Variants in PPP1R1C observed in about 807,000 individuals in gnomAD.
PPP1R1C encodes the protein protein phosphatase 1 regulatory inhibitor subunit 1C, also known as protein phosphatase 1 regulatory subunit 1C.
In PPP1R1C, 15 loss-of-function variants were observed where a neutral mutation model predicts 17.4. The observed-to-expected ratio is 0.86, with a 90% CI of 0.58 to 1.33. PPP1R1C has a LOEUF of 1.33. Among genes scored for constraint, PPP1R1C ranks in the 40% most tolerant of loss-of-function variants. PPP1R1C has a pLI of 0.00. For missense variants in PPP1R1C, 143 were observed against 130.0 expected (o/e 1.10, Z -0.48); for synonymous variants, 35 against 43.1 (o/e 0.81, Z 0.73).
In PPP1R1C at chr2:181,967,190, C is replaced by A. The variant is rs776919044; in HGVS notation, n.112-8029C>A. 6.6e-6 allele frequency among the ~76,000 whole-genome samples: 1 copy of A among 151,988 alleles called. No individual in the cohort carries two copies. Among genetic ancestry groups the A allele is most frequent in the African/African-American group, 2.4e-5 (1 of 41,406 alleles). ...GATTTTATTTATTTGAGTCTTCTCTCGTTTTTTGTTAGTAAGTCTGGCTAA... is the reference window on the plus strand; with the variant it reads ...GATTTTATTTATTTGAGTCTTCTCTAGTTTTTTGTTAGTAAGTCTGGCTAA... On this transcript the variant is annotated intron_variant and non_coding_transcript_variant, in intron 1 of 5. Transcript: ENST00000464264. The surrounding 1 kb of genome is among the most constrained non-coding windows in gnomAD (Gnocchi z 5.5).
chr2:182,060,352 G>T (rs928519483), intron 2 of PPP1R1C, among the ~76,000 whole-genome samples: 4 of 150,844 alleles, frequency 2.7e-5, no homozygotes, highest in African/African-American at 9.7e-5. Context: ...CTACATATAT[G>T]TATATATTTG....
chr2:182,092,349 G>C (rs1343214746), intron 4 of PPP1R1C, among the ~76,000 whole-genome samples: 1 of 152,120 alleles, frequency 6.6e-6, no homozygotes. Flanking sequence ...CTCCCACCGG[G>C]TCTCTCCCAC....
In PPP1R1C at chr2:181,962,903, GA is replaced by G. The variant is rs1302167763; in HGVS notation, n.111+8270del. ...TCTGCAGGACACATTTGAGAGGGGG[GA>G]TCTCTGAAGTAGGAGTTCAGACACA... On this transcript the variant is annotated intron_variant and non_coding_transcript_variant, in intron 1 of 5. Transcript: ENST00000464264. This position sits in a 1 kb window ranked among gnomAD's most constrained non-coding sequence, Gnocchi z 6.0. Among the ~76,000 whole-genome samples, 2 of 152,128 alleles carry G rather than the reference GA, an allele frequency of 1.3e-5. No homozygotes were observed. Among genetic ancestry groups the G allele is most frequent in the Non-Finnish European group, 2.9e-5 (2 of 68,022 alleles).
intron 2 of PPP1R1C, among the ~76,000 whole-genome samples, chr2:182,044,607 C>G (rs1687286518): frequency 6.6e-6 from 1 of 152,166 alleles, no homozygotes. Context: ...CTGATATATG[C>G]TTCTCGCACA....
intron 2 of PPP1R1C, among the ~76,000 whole-genome samples, chr2:182,058,035 C>A (rs1687741060): frequency 6.6e-6 from 1 of 152,040 alleles, no homozygotes; most frequent in African/African-American, 2.4e-5. Context: ...TCTTAATATT[C>A]TAAGTCATTA....
chr2:181,965,605 T>G (rs773678355), intron 1 of PPP1R1C, among the ~76,000 whole-genome samples: 1 of 152,212 alleles, frequency 6.6e-6, no homozygotes, highest in Non-Finnish European at 1.5e-5. Flanking sequence ...ATGAGTTCAC[T>G]GTAGCTGTGT....
At chr2:182,072,445 T>C (rs910410387) in intron 4 of PPP1R1C, among the ~76,000 whole-genome samples, 1 of 152,242 alleles carries the variant, frequency 6.6e-6, no homozygotes, top group African/African-American at 2.4e-5. Flanking sequence ...TGTGCTTTTG[T>C]ATAATTATTT....
chr2:182,030,221 T>A (rs1349742618), intron 2 of PPP1R1C, among the ~76,000 whole-genome samples: 1 of 152,194 alleles, frequency 6.6e-6, no homozygotes, highest in Non-Finnish European at 1.5e-5. Context: ...CTCGTCAAAG[T>A]CATTCTCCAT....
intron 2 of PPP1R1C, among the ~76,000 whole-genome samples, chr2:182,047,914 A>G (rs1687392718): frequency 6.6e-6 from 1 of 152,172 alleles, no homozygotes. Flanking sequence ...CTTTTTGAAT[A>G]AATCAACATA....
At chr2:182,109,137 T>C (rs1324925798) in intron 4 of PPP1R1C, among the ~76,000 whole-genome samples, 1 of 152,238 alleles carries the variant, frequency 6.6e-6, no homozygotes, top group African/African-American at 2.4e-5. Flanking sequence ...TTACTTGCCA[T>C]CTATGTATCT....
upstream of PPP1R1C, among the ~76,000 whole-genome samples, chr2:181,985,562 C>A (rs1685274433): frequency 6.6e-6 from 1 of 152,196 alleles, no homozygotes. The surrounding 1 kb of genome is among the most constrained non-coding windows in gnomAD (Gnocchi z 4.1). Flanking sequence ...TGTGAAATAG[C>A]AAAGGTATCT....
intron 1 of PPP1R1C, among the ~76,000 whole-genome samples, chr2:181,958,190 A>G (rs930790224): frequency 2.6e-5 from 4 of 152,216 alleles, no homozygotes; most frequent in African/African-American, 9.6e-5. Flanking sequence ...GAAGTAGCTA[A>G]GCAAGGACTA....
intron 1 of PPP1R1C, among the ~76,000 whole-genome samples, chr2:181,970,130 A>G (rs1684978121): frequency 1.3e-5 from 2 of 148,376 alleles, no homozygotes; most frequent in South Asian, 4.3e-4. Context: ...CTTGTGCCTT[A>G]TTTAGTTTTT....
At chr2:181,974,450 T>C (rs927099205) in intron 1 of PPP1R1C, among the ~76,000 whole-genome samples, 30 of 152,312 alleles carry the variant, frequency 2.0e-4, no homozygotes, top group Admixed American at 2.0e-3. Context: ...TTTAATATTA[T>C]CACAGAATAT....
chr2:182,024,793 T>G (rs1297708836), intron 2 of PPP1R1C, among the ~76,000 whole-genome samples: 1 of 151,924 alleles, frequency 6.6e-6, no homozygotes, highest in Non-Finnish European at 1.5e-5. Context: ...AGGCAGAGGT[T>G]GCAGTGAGCT....
At chr2:182,057,831 A>C (rs368425136) in intron 2 of PPP1R1C, among the ~76,000 whole-genome samples, 24 of 152,226 alleles carry the variant, frequency 1.6e-4, no homozygotes, top group Non-Finnish European at 1.5e-5. Context: ...TGCTCTTCAA[A>C]ATACACGCAG....
At chr2:182,092,766 A>T (rs530637008) in intron 4 of PPP1R1C, among the ~76,000 whole-genome samples, 229 of 152,326 alleles carry the variant, frequency 1.5e-3, no homozygotes, top group African/African-American at 5.3e-3. Context: ...CTTTGACTCC[A>T]TGTCTCACAT....
At chr2:182,078,174 C>T (rs1194098302) in intron 4 of PPP1R1C, among the ~76,000 whole-genome samples, 3 of 152,032 alleles carry the variant, frequency 2.0e-5, no homozygotes, top group Non-Finnish European at 4.4e-5. Flanking sequence ...GAACCTGAGC[C>T]CCTTAGGAGA....
Position 181,956,440 on chromosome 2 carries a change from T to G in PPP1R1C, n.111+1806T>G, listed in dbSNP as rs144130569. Among the ~76,000 whole-genome samples the G allele has an allele frequency of 2.2e-3, 341 of 152,352 alleles. 2 individuals are homozygous for G. Among genetic ancestry groups the G allele is most frequent in the African/African-American group, 8.0e-3 (331 of 41,584 alleles). ...GTAATGGGATTGCTGGGTCAAGTATTTCTAGTTCTAGATCCTTGAGGAATC... is the reference window on the plus strand; with the variant it reads ...GTAATGGGATTGCTGGGTCAAGTATGTCTAGTTCTAGATCCTTGAGGAATC... On this transcript the variant is annotated intron_variant and non_coding_transcript_variant, in intron 1 of 5. Transcript: ENST00000464264.
Sources: gnomAD v4.1 joint callset for allele counts (sites outside exome capture counted in the v4.1 genomes callset) on GRCh38, gnomAD v4.1.1 for gene constraint, Gnocchi (gnomAD v3.1) non-coding constraint, MANE v1.5 for transcripts, NCBI Gene and HGNC (gene_info 2026-07-23, HGNC 2026-07-21) for gene names.